The following PRKN variants were observed in gnomAD, a reference collection of about 807,000 sequenced individuals.
PRKN encodes the protein parkin RBR E3 ubiquitin protein ligase.
In PRKN, 56 loss-of-function variants were observed where a neutral mutation model predicts 59.5. The ratio of observed to expected loss-of-function variants is 0.94; its 90% CI spans 0.76 to 1.18. The LOEUF (loss-of-function observed/expected upper bound fraction) is 1.18, where lower values mean the gene tolerates loss of function less well. PRKN is among the 50% of genes most tolerant of loss of function. The probability of loss-of-function intolerance (pLI) is 0.00; values close to 1 mark genes in which losing one functional copy is unlikely to be tolerated. For synonymous variants in PRKN, 250 were observed against 222.1 expected (o/e 1.13, Z -1.12); for missense variants, 657 against 596.4 (o/e 1.10, Z -1.06).
intron 6 of PRKN, among the ~76,000 whole-genome samples, chr6:161,939,557 C>A (rs915718339): frequency 6.6e-6 from 1 of 151,250 alleles, no homozygotes; most frequent in African/African-American, 2.4e-5. Flanking sequence ...TATGGTGAAA[C>A]CCCATCTCTA....
chr6:162,045,465 T>C (rs935680034), intron 5 of PRKN, among the ~76,000 whole-genome samples: 1 of 152,204 alleles, frequency 6.6e-6, no homozygotes, highest in African/African-American at 2.4e-5. Context: ...CAAGAAACAT[T>C]AGTGGAAGGG....
intron 1 of PRKN, among the ~76,000 whole-genome samples, chr6:162,558,459 A>G (rs551525686): frequency 7.0e-4 from 105 of 150,830 alleles, no homozygotes; most frequent in Non-Finnish European, 1.4e-3. Context: ...CCTCCCAGGT[A>G]GCTGGGATTA....
intron 1 of PRKN, among the ~76,000 whole-genome samples, chr6:162,648,909 T>C (rs1778304971): frequency 6.6e-6 from 1 of 152,178 alleles, no homozygotes; most frequent in Non-Finnish European, 1.5e-5. Context: ...TAAATAAGTT[T>C]ACCCTAAAAA....
chr6:161,568,217 C>T (rs2115476857), intron 8 of PRKN, among the ~76,000 whole-genome samples: 1 of 152,304 alleles, frequency 6.6e-6, no homozygotes, highest in East Asian at 1.9e-4. Context: ...AAACCAAAAA[C>T]TCATTGATGA....
intron 9 of PRKN, among the ~76,000 whole-genome samples, chr6:161,496,009 G>C (rs983540910): frequency 6.6e-6 from 1 of 152,194 alleles, no homozygotes; most frequent in Non-Finnish European, 1.5e-5. Flanking sequence ...TGTGTCATGG[G>C]GGCATGCTGT....
At chr6:161,768,154 G>A (rs556883534) in intron 7 of PRKN, among the ~76,000 whole-genome samples, 12 of 152,028 alleles carry the variant, frequency 7.9e-5, no homozygotes, top group South Asian at 4.2e-4. Flanking sequence ...GACTAAACAC[G>A]AAGGGGGCTC....
At chr6:161,937,013 T>G (rs1343237556) in intron 6 of PRKN, among the ~76,000 whole-genome samples, 1 of 152,056 alleles carries the variant, frequency 6.6e-6, no homozygotes, top group Non-Finnish European at 1.5e-5. Context: ...CATGAACTCC[T>G]GACCTCAAGT....
chr6:162,432,264 A>C (rs1390702744), intron 2 of PRKN, among the ~76,000 whole-genome samples: 1 of 152,162 alleles, frequency 6.6e-6, no homozygotes, highest in Non-Finnish European at 1.5e-5. Context: ...GCCGTGGCTC[A>C]TGCCTGTAAT....
chr6:161,943,499 T>C (rs1016034396), intron 6 of PRKN, among the ~76,000 whole-genome samples: 4 of 152,284 alleles, frequency 2.6e-5, no homozygotes, highest in African/African-American at 9.6e-5. Context: ...AGTTTAATGC[T>C]ATTTTCACAA....
At chr6:161,374,248 C>G (rs115038036) in intron 10 of PRKN, among the ~76,000 whole-genome samples, 1 of 149,858 alleles carries the variant, frequency 6.7e-6, no homozygotes, top group South Asian at 2.1e-4. Context: ...TGTGTATATG[C>G]GTATGCTGTA....
chr6:161,862,100 C>T lies in PRKN; in HGVS notation c.735-76192G>A, dbSNP rs1366585610. On this transcript the variant is annotated intron_variant, in intron 6 of 11. Coordinates refer to ENST00000366898, the MANE Select transcript of PRKN (RefSeq NM_004562.3). Reference sequence around the variant, plus strand: ...AGGACATTTGTTATTGGATTTAGGGCCCACCCAGATAATCCAGGATGACTG... The same window carrying T: ...AGGACATTTGTTATTGGATTTAGGGTCCACCCAGATAATCCAGGATGACTG... Among the ~76,000 whole-genome samples the T allele has an allele frequency of 3.3e-5, 5 of 152,062 alleles. No individual in the cohort carries two copies. In the East Asian group the frequency reaches 9.6e-4, roughly 29 times the overall value.
chr6:162,046,325 C>T (rs920584819), intron 5 of PRKN, among the ~76,000 whole-genome samples: 1 of 152,296 alleles, frequency 6.6e-6, no homozygotes. Context: ...TAGTAATATG[C>T]ATGATTTTGT....
chr6:162,194,503 C>G (rs990075131), intron 4 of PRKN, among the ~76,000 whole-genome samples: 2 of 152,124 alleles, frequency 1.3e-5, no homozygotes, highest in East Asian at 3.9e-4. Context: ...GCAGCATTTA[C>G]TTACAATTTT....
At chr6:162,304,528 T>TATCTATC (rs200436641) in intron 2 of PRKN, among the ~76,000 whole-genome samples, 7,939 of 141,560 alleles carry the variant, frequency 0.056, 664 homozygotes, top group East Asian at 0.31. Context: ...TCTATCTATC[T>TATCTATC]ATCTATCTAT....
chr6:162,355,268 G>C (rs1362669275), intron 2 of PRKN, among the ~76,000 whole-genome samples: 1 of 150,722 alleles, frequency 6.6e-6, no homozygotes, highest in Non-Finnish European at 1.5e-5. Context: ...TTTAGATCTA[G>C]AACATAATTA....
rs1583067847 is a variant in PRKN, at chr6:162,125,288, G to A, written c.535-71114C>T. 1.3e-5 allele frequency among the ~76,000 whole-genome samples: 2 copies of A among 152,262 alleles called. 1 individual carries two copies. Among genetic ancestry groups the A allele is most frequent in the African/African-American group, 4.8e-5 (2 of 41,530 alleles). ...AATAACTGCATGTGAGTCCACGGGCGGCACCACACCTCAGAGGGAGAAACA... is the reference window on the plus strand; with the variant it reads ...AATAACTGCATGTGAGTCCACGGGCAGCACCACACCTCAGAGGGAGAAACA... On this transcript the variant is annotated intron_variant, in intron 4 of 11. Transcript: ENST00000366898.
rs1784594552 is a variant in PRKN at position 162,198,648 on chromosome 6, G to A, written c.534+2483C>T. ...TATTACCAAGTTGGCATAGGTAAGAGCAAAGGAAGTCAGGATTCTAATGGG... is the reference window on the plus strand; with the variant it reads ...TATTACCAAGTTGGCATAGGTAAGAACAAAGGAAGTCAGGATTCTAATGGG... On this transcript the variant is annotated intron_variant, in intron 4 of 11. Coordinates refer to ENST00000366898, the MANE Select transcript of PRKN (RefSeq NM_004562.3). Among the ~76,000 whole-genome samples the A allele has an allele frequency of 2.0e-5, 3 of 151,932 alleles. No homozygotes were observed. The East Asian group carries it at 5.9e-4, about 30-fold the overall frequency.
intron 2 of PRKN, among the ~76,000 whole-genome samples, chr6:162,370,756 GATGTTACTAGT>G (rs1785722370): frequency 2.0e-5 from 3 of 152,296 alleles, no homozygotes; most frequent in African/African-American, 7.2e-5. Flanking sequence ...CTCCAGAGTA[GATGTTACTAGT>G]ATGTCCTGGC....
intron 1 of PRKN, among the ~76,000 whole-genome samples, chr6:162,525,083 A>T (rs1449032593): frequency 6.6e-6 from 1 of 152,132 alleles, no homozygotes; most frequent in Non-Finnish European, 1.5e-5. Flanking sequence ...AACTACTTCG[A>T]TCAAGGATGA....
Sources: gnomAD v4.1 joint callset for allele counts (sites outside exome capture counted in the v4.1 genomes callset) on GRCh38, gnomAD v4.1.1 for gene constraint, MANE v1.5 for transcripts, NCBI Gene and HGNC (gene_info 2026-07-23, HGNC 2026-07-21) for gene names.